MDGA2: variants seen among roughly 807,000 people sequenced by gnomAD.
The protein encoded by MDGA2 is MAM domain-containing glycosylphosphatidylinositol anchor protein 2.
Under a neutral mutation model 117.8 loss-of-function variants are expected in MDGA2, and 40 were observed. That is an observed-to-expected ratio of 0.34 (90% CI 0.26 to 0.44). MDGA2 has a LOEUF of 0.44. Ranked by LOEUF, MDGA2 falls within the 20% of genes least tolerant of loss-of-function variation. The probability of loss-of-function intolerance (pLI) is 1.00; values close to 1 mark genes in which losing one functional copy is unlikely to be tolerated. For synonymous variants in MDGA2, 452 were observed against 439.0 expected (o/e 1.03, Z -0.37); for missense variants, 1,123 against 1,250.6 (o/e 0.90, Z 1.54).
intron 1 of MDGA2, among the ~76,000 whole-genome samples, chr14:47,645,674 AC>A (rs1897516215): frequency 6.6e-6 from 1 of 152,166 alleles, no homozygotes; most frequent in African/African-American, 2.4e-5. Context: ...ATTTCATAAA[AC>A]TAGTACCAGC....
intron 1 of MDGA2, among the ~76,000 whole-genome samples, chr14:47,482,091 G>A (rs1893965953): frequency 6.6e-6 from 1 of 151,968 alleles, no homozygotes; most frequent in South Asian, 2.1e-4. Context: ...TTTATCATGG[G>A]TTGACAACAG....
Position 46,874,071 on chromosome 14 carries a change from T to C in MDGA2, c.2567A>G (p.Asn856Ser), listed in dbSNP as rs1405382862. Reference protein sequence around the residue: ...NTKYTPNTGPNADRSGSKEGF... With the variant: ...NTKYTPNTGPSADRSGSKEGF... Reference sequence around the variant, plus strand: ...TTCTTTGGAGCCACTACGGTCAGCATTAGGTCCTGTATTAGGAGTATATTT... The same window carrying C: ...TTCTTTGGAGCCACTACGGTCAGCACTAGGTCCTGTATTAGGAGTATATTT... The change falls in exon 13 of 17, where the codon AAT (asparagine) becomes AGT (serine). Residue 856 changes from asparagine (N) to serine (S), a missense_variant. Physicochemically the swap from Asn to Ser is conservative, Grantham distance 46. Transcript: ENST00000399232. 2 of 1,556,054 alleles carry C rather than the reference T, an allele frequency of 1.3e-6. No homozygotes were observed. The highest frequency in any genetic ancestry group is 1.4e-5 in the African/African-American group (1 of 71,028).
chr14:47,522,990 C>A (rs1211873445), intron 1 of MDGA2, among the ~76,000 whole-genome samples: 1 of 152,078 alleles, frequency 6.6e-6, no homozygotes, highest in Non-Finnish European at 1.5e-5. Flanking sequence ...CACAAAATAA[C>A]CCACATTTCC....
Position 47,674,823 on chromosome 14 carries a change from ACACT to A in MDGA2, c.-31_-28del. Reference sequence around the variant, plus strand: ...CACACACACACTCACACACACTCACACACTCTCCCACAACACAATACCCTGACAC... The same window carrying A: ...CACACACACACTCACACACACTCACACTCCCACAACACAATACCCTGACAC... On this transcript the variant is annotated 5_prime_UTR_variant, in exon 1 of 17. Transcript: ENST00000399232. 6.3e-6 allele frequency: 4 copies of A among 638,250 alleles called. No individual in the cohort carries two copies. The highest frequency in any genetic ancestry group is 1.1e-5 in the Non-Finnish European group (4 of 359,008). 39.5% of individuals were successfully genotyped at this position (638,250 alleles called of 1,614,324 possible).
At chr14:47,061,181 C>T in intron 7 of MDGA2, 68 bp downstream of exon 7, 1 of 1,399,780 alleles carries the variant, frequency 7.1e-7, no homozygotes, top group Non-Finnish European at 9.8e-7. Flanking sequence ...CTAAAACCTA[C>T]TTGATCTGTT....
intron 1 of MDGA2, among the ~76,000 whole-genome samples, chr14:47,422,385 T>C (rs909896147): frequency 1.3e-5 from 2 of 152,130 alleles, no homozygotes; most frequent in South Asian, 2.1e-4. Context: ...AGACCTCTCT[T>C]GACCCCCTCC....
rs543657388 is a variant in MDGA2 at position 47,488,236 on chromosome 14, G to A, written c.280+186281C>T. 4.6e-5 allele frequency among the ~76,000 whole-genome samples: 7 copies of A among 152,178 alleles called. No individual in the cohort carries two copies. The South Asian group carries it at 6.2e-4, about 14-fold the overall frequency. On this transcript the variant is annotated intron_variant, in intron 1 of 16. Transcript: ENST00000399232. ...AGATGATGTACTTAGGCTAGAGAAC[G>A]AATAGAACTTCATAAATATCCAAAC... is the stretch of plus-strand genomic sequence containing the variant.
intron 1 of MDGA2, among the ~76,000 whole-genome samples, chr14:47,628,373 T>G (rs1897190543): frequency 6.6e-6 from 1 of 152,244 alleles, no homozygotes; most frequent in South Asian, 2.1e-4. Flanking sequence ...CACGTTGGTT[T>G]TGTTCACCAC....
chr14:47,312,822 G>C (rs1889685266), intron 1 of MDGA2, among the ~76,000 whole-genome samples: 2 of 147,468 alleles, frequency 1.4e-5, no homozygotes, highest in African/African-American at 5.0e-5. Context: ...GAGCCACCAT[G>C]CCTGGCCTAT....
intron 1 of MDGA2, among the ~76,000 whole-genome samples, chr14:47,421,327 A>C (rs1892574494): frequency 6.6e-6 from 1 of 152,146 alleles, no homozygotes; most frequent in East Asian, 1.9e-4. Flanking sequence ...AAACAGAACA[A>C]ACTAAATTGC....
At chr14:47,044,209 T>C (rs1012580638) in intron 7 of MDGA2, among the ~76,000 whole-genome samples, 1 of 152,144 alleles carries the variant, frequency 6.6e-6, no homozygotes, top group African/African-American at 2.4e-5. Flanking sequence ...ATAAAGCATA[T>C]AAATTTCAAG....
chr14:47,564,741 G>A (rs1024974734), intron 1 of MDGA2, among the ~76,000 whole-genome samples: 2 of 152,034 alleles, frequency 1.3e-5, no homozygotes, highest in African/African-American at 4.8e-5. Flanking sequence ...CCTCTCTGTC[G>A]GGGATGTCAA....
chr14:46,971,166 AAAAAAT>A (rs1886247405), intron 8 of MDGA2, among the ~76,000 whole-genome samples: 1 of 152,144 alleles, frequency 6.6e-6, no homozygotes, highest in East Asian at 1.9e-4. Flanking sequence ...AATTACTCAA[AAAAAAT>A]AAAAATAGAA....
At chr14:47,580,859 G>C (rs1896216830) in intron 1 of MDGA2, among the ~76,000 whole-genome samples, 1 of 152,050 alleles carries the variant, frequency 6.6e-6, no homozygotes, top group Admixed American at 6.6e-5. Context: ...GGTGACAATG[G>C]CCGTCTCCAC....
chr14:47,657,651 A>G (rs967591983), intron 1 of MDGA2, among the ~76,000 whole-genome samples: 12 of 152,220 alleles, frequency 7.9e-5, no homozygotes, highest in African/African-American at 2.7e-4. Flanking sequence ...AAACACATCA[A>G]TGTAAGAGAT....
intron 1 of MDGA2, among the ~76,000 whole-genome samples, chr14:47,421,154 T>C (rs2138506967): frequency 6.6e-6 from 1 of 152,210 alleles, no homozygotes; most frequent in South Asian, 2.1e-4. Context: ...TCTGGGTCAG[T>C]TTGATGTAAC....
chr14:47,372,954 G>A (rs980233511), intron 1 of MDGA2, among the ~76,000 whole-genome samples: 2 of 151,734 alleles, frequency 1.3e-5, no homozygotes, highest in Admixed American at 6.6e-5. Flanking sequence ...GTTTTTAAAT[G>A]ATAAAAAAAA....
At chr14:47,048,964 TG>T (rs1889358988) in intron 7 of MDGA2, among the ~76,000 whole-genome samples, 1 of 152,120 alleles carries the variant, frequency 6.6e-6, no homozygotes. Context: ...TGTGATTGAT[TG>T]GAATGATAGA....
rs568028524 is a variant in MDGA2, at chr14:47,666,167, G to A, written c.280+8350C>T. Among the ~76,000 whole-genome samples, 255 of 150,788 alleles carry A rather than the reference G, an allele frequency of 1.7e-3. 2 individuals carry two copies. Among genetic ancestry groups the A allele is most frequent in the African/African-American group, 5.9e-3 (241 of 40,944 alleles). On this transcript the variant is annotated intron_variant, in intron 1 of 16. Transcript: ENST00000399232. ...CTCAGGGTTTCTGGATGCACCAATC[G>A]GCACTCTGTATCTAGCTAATCTGGT...
Sources: allele counts gnomAD v4.1 joint callset (sites outside exome capture counted in the v4.1 genomes callset), GRCh38; gene constraint gnomAD v4.1.1; transcripts MANE v1.5; gene names NCBI Gene and HGNC (gene_info 2026-07-23, HGNC 2026-07-21).